Variants in H2BN1 observed in about 807,000 individuals in gnomAD.
H2BN1 encodes H2B.N variant histone 1, also known as histone H2B.N.
At chr17:32,902,932 T>G in the H2BN1 span, among the ~76,000 whole-genome samples, 1 of 152,262 alleles carries the variant, frequency 6.6e-6, no homozygotes, top group East Asian at 1.9e-4. Context: ...TTTGACACCT[T>G]TATAGTATTT....
the H2BN1 span, among the ~76,000 whole-genome samples, chr17:32,895,584 A>G: frequency 2.0e-5 from 3 of 152,194 alleles, no homozygotes; most frequent in Non-Finnish European, 4.4e-5. Context: ...TATTTTAGTT[A>G]CATGGGGAAA....
At chr17:32,905,797 G>T in the H2BN1 span, 1 of 152,114 alleles carries the variant, frequency 6.6e-6, no homozygotes, top group African/African-American at 2.4e-5. Context: ...AGAGACGAGT[G>T]GTTGTATTCT....
chr17:32,898,702 G>A, the H2BN1 span, among the ~76,000 whole-genome samples: 1 of 152,128 alleles, frequency 6.6e-6, no homozygotes, highest in Non-Finnish European at 1.5e-5. Flanking sequence ...TTCATTTTTA[G>A]TAAGTTGTGA....
the H2BN1 span, among the ~76,000 whole-genome samples, chr17:32,903,279 T>G: frequency 6.6e-6 from 1 of 151,828 alleles, no homozygotes; most frequent in African/African-American, 2.4e-5. Context: ...ATAAAAAACT[T>G]TTTTTTTCCT....
At chr17:32,903,944 G>T in the H2BN1 span, among the ~76,000 whole-genome samples, 1 of 152,202 alleles carries the variant, frequency 6.6e-6, no homozygotes, top group Non-Finnish European at 1.5e-5. Flanking sequence ...ACTCCACAAT[G>T]TGTCACCACT....
chr17:32,902,393 A>G, the H2BN1 span, among the ~76,000 whole-genome samples: 1 of 152,352 alleles, frequency 6.6e-6, no homozygotes, highest in Admixed American at 6.5e-5. Context: ...TTTATAGTTT[A>G]GCTTTGAAAC....
At chr17:32,901,913 C>G in the H2BN1 span, among the ~76,000 whole-genome samples, 6 of 152,132 alleles carry the variant, frequency 3.9e-5, no homozygotes, top group South Asian at 1.2e-3. Context: ...TATACTTTCT[C>G]TTTAATTGAC....
chr17:32,901,457 GC>G, the H2BN1 span, among the ~76,000 whole-genome samples: 1 of 152,178 alleles, frequency 6.6e-6, no homozygotes, highest in South Asian at 2.1e-4. Flanking sequence ...TAGTCCCTGG[GC>G]CTTGAGGAGT....
the H2BN1 span, among the ~76,000 whole-genome samples, chr17:32,904,618 C>T: frequency 2.0e-5 from 3 of 152,160 alleles, no homozygotes; most frequent in Admixed American, 1.3e-4. Flanking sequence ...GAAAACAGAA[C>T]ACCCCAAAAG....
chr17:32,904,459 C>T, the H2BN1 span, among the ~76,000 whole-genome samples: 2 of 152,178 alleles, frequency 1.3e-5, no homozygotes, highest in South Asian at 2.1e-4. Context: ...TAGCTCTCAT[C>T]CACCATTACA....
the H2BN1 span, among the ~76,000 whole-genome samples, chr17:32,895,924 G>T: frequency 2.6e-5 from 4 of 151,908 alleles, no homozygotes; most frequent in Non-Finnish European, 5.9e-5. Context: ...TTGAGATGGG[G>T]TCTTGCTCTG....
At chr17:32,906,563 AG>A in the H2BN1 span, 1 of 152,232 alleles carries the variant, frequency 6.6e-6, no homozygotes, top group Admixed American at 6.5e-5. Flanking sequence ...AACATAATAA[AG>A]GAAAGGCATT....
At chr17:32,896,919 C>T in the H2BN1 span, among the ~76,000 whole-genome samples, 1 of 152,328 alleles carries the variant, frequency 6.6e-6, no homozygotes, top group African/African-American at 2.4e-5. Context: ...TGGTAGGACC[C>T]TCTATGGGAG....
chr17:32,906,060 A>AG, the H2BN1 span: 1 of 152,180 alleles, frequency 6.6e-6, no homozygotes, highest in South Asian at 2.1e-4. Flanking sequence ...TTCAACTTGA[A>AG]GGTCACTTAT....
At chr17:32,901,103 G>A in the H2BN1 span, among the ~76,000 whole-genome samples, 4 of 152,028 alleles carry the variant, frequency 2.6e-5, no homozygotes, top group African/African-American at 9.7e-5. Context: ...AGTTACTTGG[G>A]AGGCTGAGGC....
chr17:32,902,278 T>C, the H2BN1 span, among the ~76,000 whole-genome samples: 1 of 152,246 alleles, frequency 6.6e-6, no homozygotes, highest in Non-Finnish European at 1.5e-5. Flanking sequence ...TTTAAAGTTA[T>C]GGAACCATCA....
the H2BN1 span, among the ~76,000 whole-genome samples, chr17:32,903,367 A>G: frequency 6.6e-6 from 1 of 152,160 alleles, no homozygotes; most frequent in Non-Finnish European, 1.5e-5. Flanking sequence ...AAACTTGTAT[A>G]TTAAAGGAAA....
At chr17:32,898,642 G>A in the H2BN1 span, among the ~76,000 whole-genome samples, 1 of 152,130 alleles carries the variant, frequency 6.6e-6, no homozygotes, top group Non-Finnish European at 1.5e-5. Flanking sequence ...GATGTTTCAT[G>A]GCTAGGATGG....
the H2BN1 span, among the ~76,000 whole-genome samples, chr17:32,901,960 T>G: frequency 1.3e-5 from 2 of 152,174 alleles, no homozygotes; most frequent in South Asian, 2.1e-4. Context: ...AAAATGAATT[T>G]TCTTATTGTG....
Sources: allele counts gnomAD v4.1 joint callset (sites outside exome capture counted in the v4.1 genomes callset), GRCh38; gene constraint gnomAD v4.1.1; transcripts MANE v1.5; gene names NCBI Gene and HGNC (gene_info 2026-07-23, HGNC 2026-07-21).